Variants in SENP5 observed in about 807,000 individuals in gnomAD.
SENP5 encodes SUMO specific peptidase 5.
Under a neutral mutation model 74.2 loss-of-function variants are expected in SENP5, and 21 were observed. The observed-to-expected ratio is 0.28, with a 90% confidence interval of 0.20 to 0.41. The LOEUF is 0.41. Ranked by LOEUF, SENP5 falls within the 10% of genes least tolerant of loss-of-function variation. The pLI is 1.00. For synonymous variants in SENP5, 311 were observed against 312.7 expected (o/e 0.99, Z 0.06); for missense variants, 717 against 889.1 (o/e 0.81, Z 2.46).
At chr3:196,888,970 G>A (rs575058652) in intron 2 of SENP5, among the ~76,000 whole-genome samples, 1 of 152,118 alleles carries the variant, frequency 6.6e-6, no homozygotes, top group South Asian at 2.1e-4. Context: ...TAAAAAATTA[G>A]CCGGGCGTGG....
At chr3:196,881,219 T>C (rs1713714011) in intron 1 of SENP5, among the ~76,000 whole-genome samples, 1 of 152,180 alleles carries the variant, frequency 6.6e-6, no homozygotes, top group South Asian at 2.1e-4. Context: ...AAGTGTGAGA[T>C]TGTAGGCTGA....
chr3:196,919,667 C>T (rs1343753942), intron 6 of SENP5, among the ~76,000 whole-genome samples: 1 of 152,040 alleles, frequency 6.6e-6, no homozygotes, highest in Non-Finnish European at 1.5e-5. Flanking sequence ...GTGGAGCATG[C>T]CTGCAATACC....
rs1716170506 is a variant in SENP5 at position 196,934,517 on chromosome 3, A to G, written c.*3594A>G. 6.6e-6 allele frequency: 1 copy of G among 152,206 alleles called. No homozygotes were observed. The highest frequency in any genetic ancestry group is 6.5e-5 in the Admixed American group (1 of 15,276). 9.4% of individuals were successfully genotyped at this position (152,206 alleles called of 1,614,324 possible). ...GCCTCCTGGCCTCTAGATAATTAAG[A>G]CGGCCCAGGGAATACCAGCAGAGAA... On this transcript the variant is annotated 3_prime_UTR_variant, in exon 10 of 10. Coordinates refer to ENST00000323460, the MANE Select transcript of SENP5 (RefSeq NM_152699.5).
At chr3:196,923,075 A>T (rs114613235) in intron 6 of SENP5, among the ~76,000 whole-genome samples, 1 of 152,160 alleles carries the variant, frequency 6.6e-6, no homozygotes, top group East Asian at 1.9e-4. Context: ...TTCTAATACT[A>T]TGATTCCTTT....
intron 1 of SENP5, among the ~76,000 whole-genome samples, chr3:196,870,022 C>T (rs1458872425): frequency 1.3e-5 from 2 of 152,112 alleles, no homozygotes; most frequent in Non-Finnish European, 2.9e-5. Context: ...TGTTATTAGC[C>T]AGCTTCCTAT....
At chr3:196,900,313 T>C in intron 4 of SENP5, 52 bp from the exon 5 acceptor site, 9 of 1,526,346 alleles carry the variant, frequency 5.9e-6, no homozygotes, top group Non-Finnish European at 8.1e-6. Context: ...TTTTTCTTTC[T>C]CCAACTTAAC....
At position 196,918,168 on chromosome 3, in the gene SENP5, G is replaced by A. The variant is rs1488037081; in HGVS notation, c.1885-5246G>A. On this transcript the variant is annotated intron_variant, in intron 6 of 9. Coordinates refer to ENST00000323460, the MANE Select transcript of SENP5 (RefSeq NM_152699.5). ...AAAAATACAAAAAAATTAGCCGGGCGCGGTGGCGGGCGCCTGTAGTCCCAG... is the reference window on the plus strand; with the variant it reads ...AAAAATACAAAAAAATTAGCCGGGCACGGTGGCGGGCGCCTGTAGTCCCAG... 9.9e-5 allele frequency among the ~76,000 whole-genome samples: 15 copies of A among 151,832 alleles called. 1 individual carries two copies. Among genetic ancestry groups the A allele is most frequent in the African/African-American group, 2.4e-4 (10 of 41,384 alleles).
intron 2 of SENP5, among the ~76,000 whole-genome samples, chr3:196,898,841 G>T (rs1488823024): frequency 5.9e-5 from 9 of 151,890 alleles, no homozygotes; most frequent in African/African-American, 2.2e-4. Flanking sequence ...CAATTCATTC[G>T]ATGACGATTC....
intron 2 of SENP5, among the ~76,000 whole-genome samples, chr3:196,894,127 T>G (rs1470180639): frequency 3.4e-5 from 5 of 148,252 alleles, no homozygotes; most frequent in East Asian, 2.0e-4. Flanking sequence ...TTTTTTTTTT[T>G]TTTTTTTTTT....
Position 196,908,090 on chromosome 3 carries a change from A to G in SENP5, c.1884+4480A>G, listed in dbSNP as rs575291296. 5.3e-5 allele frequency among the ~76,000 whole-genome samples: 8 copies of G among 152,226 alleles called. No individual in the cohort carries two copies. In the South Asian group the frequency reaches 1.7e-3, roughly 32 times the overall value. ...GAGCCCAAGAGTTTCAAATCAGCCT[A>G]GGCAACCAAGCGAGACCCCGTTTCT... is the stretch of plus-strand genomic sequence containing the variant. On this transcript the variant is annotated intron_variant, in intron 6 of 9. Coordinates refer to ENST00000323460, the MANE Select transcript of SENP5 (RefSeq NM_152699.5).
intron 6 of SENP5, among the ~76,000 whole-genome samples, chr3:196,907,453 C>CAA (rs71623311): frequency 1.2e-3 from 142 of 115,200 alleles, no homozygotes; most frequent in South Asian, 3.8e-3. Flanking sequence ...GACTCCGTCT[C>CAA]AAAAAAAAAA....
At chr3:196,920,286 C>G (rs538644828) in intron 6 of SENP5, among the ~76,000 whole-genome samples, 1 of 151,962 alleles carries the variant, frequency 6.6e-6, no homozygotes, top group Non-Finnish European at 1.5e-5. Flanking sequence ...TTAAATGTAT[C>G]CTTAAGTATT....
intron 1 of SENP5, among the ~76,000 whole-genome samples, chr3:196,883,088 G>C (rs1029352341): frequency 6.6e-6 from 1 of 151,882 alleles, no homozygotes; most frequent in Non-Finnish European, 1.5e-5. Flanking sequence ...ATTATGCCTG[G>C]AGTCCCTGTG....
intron 2 of SENP5, among the ~76,000 whole-genome samples, chr3:196,895,245 G>C (rs995434652): frequency 1.4e-5 from 2 of 146,684 alleles, no homozygotes; most frequent in African/African-American, 5.1e-5. Flanking sequence ...AGGCTGGAGT[G>C]CAGTGGCATA....
In SENP5 at chr3:196,885,481, C is replaced by T. The variant is rs895194891; in HGVS notation, c.300C>T (p.Asp100=). ...STLSSKVKRK[D]AKHFISSSKT... ...TGTCCTCTAAAGTGAAAAGAAAGGA[C>T]GCTAAACACTTCATTTCCTCCTCAA... is the stretch of plus-strand genomic sequence containing the variant. Residue 100 remains aspartate, a synonymous_variant, in exon 2 of 10, where the codon GAC becomes GAT. Coordinates refer to ENST00000323460, the MANE Select transcript of SENP5 (RefSeq NM_152699.5). 8 of 1,613,992 alleles carry T rather than the reference C, an allele frequency of 5.0e-6. No homozygotes were observed. The highest frequency in any genetic ancestry group is 1.7e-5 in the Admixed American group (1 of 59,996).
intron 6 of SENP5, among the ~76,000 whole-genome samples, chr3:196,919,506 G>C (rs1182834432): frequency 6.6e-6 from 1 of 151,882 alleles, no homozygotes; most frequent in African/African-American, 2.4e-5. Flanking sequence ...ACAAAGAAAC[G>C]TGACCAACCA....
chr3:196,870,709 G>A (rs1000544212), intron 1 of SENP5, among the ~76,000 whole-genome samples: 1 of 151,606 alleles, frequency 6.6e-6, no homozygotes, highest in Non-Finnish European at 1.5e-5. Flanking sequence ...GTAGAGATGG[G>A]GTTTCACCAT....
chr3:196,889,159 A>G (rs1404653848), intron 2 of SENP5, among the ~76,000 whole-genome samples: 1 of 151,802 alleles, frequency 6.6e-6, no homozygotes, highest in East Asian at 1.9e-4. Context: ...ATTCTTCCTC[A>G]TAGAAAGACA....
intron 2 of SENP5, among the ~76,000 whole-genome samples, chr3:196,889,459 A>G (rs942879185): frequency 1.5e-4 from 23 of 152,228 alleles, no homozygotes; most frequent in Non-Finnish European, 7.3e-5. Flanking sequence ...TCACTATTTT[A>G]ATAGGCCAAA....
Sources: allele counts gnomAD v4.1 joint callset (sites outside exome capture counted in the v4.1 genomes callset), GRCh38; gene constraint gnomAD v4.1.1; transcripts MANE v1.5; gene names NCBI Gene and HGNC (gene_info 2026-07-23, HGNC 2026-07-21).